UTRN: variants seen among roughly 807,000 people sequenced by gnomAD.
UTRN encodes the protein utrophin, also known as dystrophin-related protein 1.
UTRN carries 283 observed loss-of-function variants against 463.9 expected under a neutral mutation model. The observed-to-expected ratio is 0.61, with a 90% CI of 0.55 to 0.67. The LOEUF is 0.67. Among genes scored for constraint, UTRN ranks in the 30% least tolerant of loss-of-function variants. The pLI is 0.00. For missense variants in UTRN, 3,922 were observed against 4,084.3 expected (o/e 0.96, Z 1.08); for synonymous variants, 1,442 against 1,431.5 (o/e 1.01, Z -0.17).
intron 3 of UTRN, among the ~76,000 whole-genome samples, chr6:144,406,343 T>C (rs1224742850): frequency 7.7e-6 from 1 of 130,098 alleles, no homozygotes; most frequent in Non-Finnish European, 1.6e-5. Flanking sequence ...TCCCTTTCCT[T>C]TTTTTTTCTT....
intron 73 of UTRN, among the ~76,000 whole-genome samples, chr6:144,844,900 T>C (rs1288620101): frequency 5.3e-5 from 8 of 152,244 alleles, no homozygotes; most frequent in Non-Finnish European, 8.8e-5. Context: ...TTTTGATCCT[T>C]TGTGGATTAA....
chr6:144,596,874 AGAACTT>A (rs1037330450), intron 51 of UTRN, among the ~76,000 whole-genome samples: 2 of 152,216 alleles, frequency 1.3e-5, no homozygotes, highest in Non-Finnish European at 2.9e-5. Flanking sequence ...GCATCATAAA[AGAACTT>A]GAAATGCTTT....
In UTRN at chr6:144,839,325, T is replaced by C. The variant is rs374593660; in HGVS notation, c.10177+41T>C. 3.2e-5 allele frequency: 49 copies of C among 1,513,266 alleles called. No individual in the cohort carries two copies. In the African/African-American group the frequency reaches 6.7e-4, roughly 21 times the overall value. 93.7% of individuals were successfully genotyped at this position (1,513,266 alleles called of 1,614,324 possible). On this transcript the variant is annotated intron_variant, in intron 72 of 74. Transcript: ENST00000367545. Reference sequence around the variant, plus strand: ...ACACAGCTCCTCTGCTGAGTCTGCTTTGTGCTTTGCCATTAGTTTGTGTTT... The same window carrying C: ...ACACAGCTCCTCTGCTGAGTCTGCTCTGTGCTTTGCCATTAGTTTGTGTTT...
At chr6:144,609,498 C>G (rs1245367382) in intron 51 of UTRN, among the ~76,000 whole-genome samples, 1 of 152,096 alleles carries the variant, frequency 6.6e-6, no homozygotes, top group Non-Finnish European at 1.5e-5. Context: ...AGCAAGGGAC[C>G]ACAGCATCCC....
At chr6:144,388,115 G>A (rs780651865) in intron 2 of UTRN, among the ~76,000 whole-genome samples, 4 of 152,074 alleles carry the variant, frequency 2.6e-5, no homozygotes, top group African/African-American at 4.8e-5. Context: ...TAGAATATAA[G>A]AGTCACTCAG....
At chr6:144,388,501 T>C (rs1781614092) in intron 2 of UTRN, among the ~76,000 whole-genome samples, 1 of 150,922 alleles carries the variant, frequency 6.6e-6, no homozygotes, top group African/African-American at 2.4e-5. Context: ...TATTTATTTA[T>C]TTATTTATTT....
chr6:144,516,689 A>G, intron 38 of UTRN, 122 bp from the exon 39 acceptor site: 1 of 771,108 alleles, frequency 1.3e-6, no homozygotes, highest in Non-Finnish European at 1.8e-6. Flanking sequence ...TTGATCGTTC[A>G]GGTTAACATA....
At chr6:144,842,549 A>G (rs2128763683) in intron 73 of UTRN, among the ~76,000 whole-genome samples, 1 of 152,316 alleles carries the variant, frequency 6.6e-6, no homozygotes, top group East Asian at 1.9e-4. Flanking sequence ...AGATCATGCC[A>G]CTGCACTTCA....
chr6:144,558,767 G>A (rs370061614), intron 50 of UTRN, among the ~76,000 whole-genome samples: 1 of 152,252 alleles, frequency 6.6e-6, no homozygotes, highest in East Asian at 1.9e-4. Context: ...GAAAGGGCAG[G>A]AGAAGGTCAC....
chr6:144,690,318 G>A (rs1042837180), intron 52 of UTRN, among the ~76,000 whole-genome samples: 4 of 151,590 alleles, frequency 2.6e-5, no homozygotes, highest in Non-Finnish European at 5.9e-5. Context: ...GTGCAAATGA[G>A]GGGGGTGTAG....
At chr6:144,607,014 T>A (rs1401800771) in intron 51 of UTRN, among the ~76,000 whole-genome samples, 1 of 152,226 alleles carries the variant, frequency 6.6e-6, no homozygotes, top group Non-Finnish European at 1.5e-5. Context: ...TTTGCTGGTT[T>A]GTAAATATGT....
chr6:144,590,875 C>T (rs1012447960), intron 51 of UTRN, among the ~76,000 whole-genome samples: 60 of 118,952 alleles, frequency 5.0e-4, no homozygotes, highest in African/African-American at 2.3e-3. Flanking sequence ...CACACACACA[C>T]GCACATGCAC....
rs572210947 is a variant in UTRN at position 144,781,996 on chromosome 6, A to C, written c.8707A>C (p.Ser2903Arg). 8.1e-6 allele frequency: 13 copies of C among 1,614,092 alleles called. No individual in the cohort carries two copies. The highest frequency in any genetic ancestry group is 1.7e-4 in the Middle Eastern group (1 of 6,060). Residue 2903 changes from serine to arginine, a missense_variant, in exon 61 of 75, where the codon AGT (serine) becomes CGT (arginine). Around this residue, in one of 3 missense-constraint regions of UTRN, gnomAD observed 1,309 missense variants for 1,452.6 expected, o/e 0.90. Coordinates refer to ENST00000367545, the MANE Select transcript of UTRN (RefSeq NM_007124.3). ...HKLNQNDQLL[S>R]VPDVINCLTT... The stretch of plus-strand genomic sequence containing the variant: ...GTTGAACCAAAATGACCAGCTCCTC[A>C]GTGTTCCAGATGTCATCAACTGTCT...
chr6:144,829,987 C>G (rs955669167), intron 69 of UTRN, among the ~76,000 whole-genome samples: 1 of 152,080 alleles, frequency 6.6e-6, no homozygotes, highest in Non-Finnish European at 1.5e-5. Flanking sequence ...TCATATTTAA[C>G]CTACTGGTGT....
chr6:144,298,412 C>G (rs1804929671), intron 2 of UTRN, among the ~76,000 whole-genome samples: 1 of 152,068 alleles, frequency 6.6e-6, no homozygotes, highest in African/African-American at 2.4e-5. Context: ...GCATTTGTGC[C>G]TTTAAACAAC....
intron 53 of UTRN, among the ~76,000 whole-genome samples, chr6:144,722,442 A>T (rs1013511237): frequency 6.6e-6 from 1 of 152,006 alleles, no homozygotes; most frequent in Non-Finnish European, 1.5e-5. Context: ...AGATTTTTAT[A>T]GTAATGAATC....
chr6:144,834,082 A>T (rs1780900650), intron 69 of UTRN, among the ~76,000 whole-genome samples: 1 of 152,156 alleles, frequency 6.6e-6, no homozygotes, highest in African/African-American at 2.4e-5. Context: ...TTTTCTCAGG[A>T]AAGGGAATCA....
At position 144,310,584 on chromosome 6, in the gene UTRN, C is replaced by G. The variant is rs1276983599; in HGVS notation, c.79+18677C>G. Among the ~76,000 whole-genome samples, 119 of 148,558 alleles carry G rather than the reference C, an allele frequency of 8.0e-4. 1 individual carries two copies. Among genetic ancestry groups the G allele is most frequent in the African/African-American group, 2.8e-3 (112 of 40,342 alleles). ...GGGCATGGTAGTGCATGCCTGTGGT[C>G]CCAGCTACCTGGGAGGCCGAGGTGG... On this transcript the variant is annotated intron_variant, in intron 2 of 74. Transcript: ENST00000367545.
At chr6:144,722,878 T>C (rs754176991) in intron 53 of UTRN, among the ~76,000 whole-genome samples, 2 of 152,128 alleles carry the variant, frequency 1.3e-5, no homozygotes, top group Non-Finnish European at 2.9e-5. Flanking sequence ...AGGATGACTA[T>C]AACCTCACTA....
Sources: allele counts gnomAD v4.1 joint callset (sites outside exome capture counted in the v4.1 genomes callset), GRCh38; gene constraint gnomAD v4.1.1; regional missense constraint gnomAD v4.1.1; transcripts MANE v1.5; gene names NCBI Gene and HGNC (gene_info 2026-07-23, HGNC 2026-07-21).